RAB38: variants seen among roughly 807,000 people sequenced by gnomAD.
RAB38 encodes RAB38, member RAS oncogene family.
RAB38 carries 15 observed loss-of-function variants against 18.4 expected under a neutral mutation model. The ratio of observed to expected loss-of-function variants is 0.82; its 90% CI spans 0.55 to 1.26. The LOEUF (loss-of-function observed/expected upper bound fraction) is 1.26. RAB38 is among the 50% of genes most tolerant of loss of function. The pLI is 0.00. For missense variants in RAB38, 294 were observed against 267.4 expected, an observed-to-expected ratio of 1.10 and a Z score of -0.69; for synonymous variants, 101 against 104.4, an observed-to-expected ratio of 0.97 and a Z score of 0.20.
At chr11:88,027,743 C>A in the RAB38 span, among the ~76,000 whole-genome samples, 2 of 152,218 alleles carry the variant, frequency 1.3e-5, no homozygotes, top group Non-Finnish European at 1.5e-5. Context: ...GTGGAGCCCA[C>A]CACAGCTCAA....
chr11:87,868,050 G>C, the RAB38 span, among the ~76,000 whole-genome samples: 1 of 151,728 alleles, frequency 6.6e-6, no homozygotes, highest in Non-Finnish European at 1.5e-5. Context: ...GTATCACATA[G>C]AATATCTTGA....
At chr11:88,066,618 G>C in the RAB38 span, among the ~76,000 whole-genome samples, 1 of 152,088 alleles carries the variant, frequency 6.6e-6, no homozygotes, top group African/African-American at 2.4e-5. Context: ...AGGTGTAGGG[G>C]CCATGCACTA....
chr11:87,888,026 T>C, the RAB38 span, among the ~76,000 whole-genome samples: 7 of 152,008 alleles, frequency 4.6e-5, no homozygotes, highest in East Asian at 3.9e-4. Context: ...GATTTTTTTT[T>C]CCAAGCCCCA....
chr11:88,018,783 TA>T, the RAB38 span, among the ~76,000 whole-genome samples: 2 of 152,198 alleles, frequency 1.3e-5, no homozygotes, highest in African/African-American at 4.8e-5. Context: ...AAATGCTAAA[TA>T]GTTGTTACAT....
chr11:87,860,940 C>G, the RAB38 span, among the ~76,000 whole-genome samples: 2 of 151,774 alleles, frequency 1.3e-5, no homozygotes, highest in Non-Finnish European at 2.9e-5. Context: ...AAAGAAGCCC[C>G]CATCTCAGCA....
chr11:87,917,536 T>G, the RAB38 span, among the ~76,000 whole-genome samples: 1 of 150,986 alleles, frequency 6.6e-6, no homozygotes, highest in African/African-American at 2.4e-5. Context: ...AGTGTTTTTT[T>G]TTTTTTTTTT....
chr11:87,895,974 A>T, the RAB38 span, among the ~76,000 whole-genome samples: 14 of 151,714 alleles, frequency 9.2e-5, no homozygotes, highest in African/African-American at 3.4e-4. Context: ...TATTTCTTCT[A>T]AATTATTTAA....
chr11:88,035,316 C>A, the RAB38 span, among the ~76,000 whole-genome samples: 1 of 152,104 alleles, frequency 6.6e-6, no homozygotes, highest in Non-Finnish European at 1.5e-5. Context: ...GTACCTGCTT[C>A]TTTGAAAGTA....
At chr11:88,126,488 C>T (rs534595205) in intron 2 of RAB38, among the ~76,000 whole-genome samples, 23 of 152,020 alleles carry the variant, frequency 1.5e-4, no homozygotes, top group Middle Eastern at 3.4e-3. Context: ...ACTCATAGGT[C>T]GGAGTTGATC....
the RAB38 span, among the ~76,000 whole-genome samples, chr11:88,050,646 C>T: frequency 6.6e-6 from 1 of 152,168 alleles, no homozygotes. Flanking sequence ...ATTGCTTTTT[C>T]CCCTAGAATT....
the RAB38 span, among the ~76,000 whole-genome samples, chr11:88,071,269 CA>C: frequency 1.3e-5 from 2 of 151,760 alleles, no homozygotes; most frequent in Non-Finnish European, 2.9e-5. Flanking sequence ...CACACACACA[CA>C]CGTGTGCAAG....
chr11:88,027,652 C>T, the RAB38 span, among the ~76,000 whole-genome samples: 28 of 150,498 alleles, frequency 1.9e-4, no homozygotes, highest in African/African-American at 4.4e-4. Context: ...AACTGCAAGG[C>T]GGCAGCGAGG....
chr11:88,061,722 GC>G, the RAB38 span: 1 of 152,080 alleles, frequency 6.6e-6, no homozygotes, highest in Non-Finnish European at 1.5e-5. Context: ...CAGGTGTGAG[GC>G]CTGATTTCCT....
chr11:88,173,073 C>T (rs1248756394), intron 1 of RAB38, among the ~76,000 whole-genome samples: 3 of 152,288 alleles, frequency 2.0e-5, no homozygotes, highest in East Asian at 1.9e-4. Context: ...ACATGGCTAA[C>T]GAAGTGCTTT....
At chr11:87,858,200 C>CT in the RAB38 span, among the ~76,000 whole-genome samples, 1 of 151,858 alleles carries the variant, frequency 6.6e-6, no homozygotes, top group African/African-American at 2.4e-5. Flanking sequence ...TTCTGAGGGT[C>CT]CTGTTCTGTT....
the RAB38 span, among the ~76,000 whole-genome samples, chr11:87,842,466 T>A: frequency 6.6e-6 from 1 of 152,190 alleles, no homozygotes. Flanking sequence ...TGAAGGTGCC[T>A]CTTGCGCAGT....
the RAB38 span, among the ~76,000 whole-genome samples, chr11:88,006,296 G>A: frequency 2.6e-5 from 4 of 151,518 alleles, no homozygotes; most frequent in African/African-American, 9.7e-5. Context: ...ACAATGTGGT[G>A]AAAAGGGAAT....
chr11:88,108,422 C>G (rs1219631799), downstream of RAB38, among the ~76,000 whole-genome samples: 6 of 152,128 alleles, frequency 3.9e-5, no homozygotes, highest in Non-Finnish European at 8.8e-5. Context: ...TCTGTTTTAT[C>G]AGACACTAGG....
the RAB38 span, among the ~76,000 whole-genome samples, chr11:87,814,236 G>A: frequency 2.0e-4 from 31 of 152,140 alleles, no homozygotes; most frequent in African/African-American, 7.2e-4. Context: ...CCATGTTGAT[G>A]AGGATTAACT....
Sources: gnomAD v4.1 joint callset for allele counts (sites outside exome capture counted in the v4.1 genomes callset) on GRCh38, gnomAD v4.1.1 for gene constraint, MANE v1.5 for transcripts, NCBI Gene and HGNC (gene_info 2026-07-23, HGNC 2026-07-21) for gene names.